DNAH14: variants seen among roughly 807,000 people sequenced by gnomAD.
The protein encoded by DNAH14 is dynein axonemal heavy chain 14.
In DNAH14, 478 loss-of-function variants were observed where a neutral mutation model predicts 520.9. That is an observed-to-expected ratio of 0.92 (90% CI 0.85 to 0.99). The LOEUF (loss-of-function observed/expected upper bound fraction) is 0.99. Ranked by LOEUF, DNAH14 falls within the 50% of genes least tolerant of loss-of-function variation. DNAH14 has a pLI of 0.00. For synonymous variants in DNAH14, 1,581 were observed against 1,757.2 expected, an observed-to-expected ratio of 0.90 and a Z score of 2.51; for missense variants, 4,831 against 5,234.5, an observed-to-expected ratio of 0.92 and a Z score of 2.38.
At chr1:225,246,590 A>G (rs2092295545) in intron 43 of DNAH14, among the ~76,000 whole-genome samples, 1 of 152,218 alleles carries the variant, frequency 6.6e-6, no homozygotes, top group Non-Finnish European at 1.5e-5. Context: ...ACACTTCTCA[A>G]AAGAAGACAT....
intron 21 of DNAH14, among the ~76,000 whole-genome samples, chr1:225,089,131 C>A (rs932930243): frequency 6.6e-6 from 1 of 151,976 alleles, no homozygotes; most frequent in Non-Finnish European, 1.5e-5. Context: ...ACCCTGATAC[C>A]AAAGCAAGAC....
chr1:225,048,415 C>T (rs555385182), intron 15 of DNAH14, among the ~76,000 whole-genome samples: 48 of 152,228 alleles, frequency 3.2e-4, no homozygotes, highest in Admixed American at 6.5e-4. Context: ...GGCAGGAGGA[C>T]GGCCTGAGCC....
chr1:224,931,278 CAA>C (rs2058681749), intron 1 of DNAH14, among the ~76,000 whole-genome samples: 1 of 151,926 alleles, frequency 6.6e-6, no homozygotes, highest in Non-Finnish European at 1.5e-5. Context: ...AGTGTTATTA[CAA>C]AAGAGTAAGA....
intron 27 of DNAH14, among the ~76,000 whole-genome samples, chr1:225,129,571 G>T (rs970199645): frequency 1.8e-4 from 28 of 152,138 alleles, no homozygotes; most frequent in African/African-American, 3.4e-4. Flanking sequence ...ATGTGGAAAG[G>T]ATTCCCTATT....
intron 35 of DNAH14, among the ~76,000 whole-genome samples, chr1:225,162,835 A>G (rs116055241): frequency 0.13 from 20,323 of 152,016 alleles, 1,657 homozygotes; most frequent in South Asian, 0.23. Context: ...CTCTGTTGGC[A>G]TATAGAAATG....
At chr1:225,329,364 G>T (rs997414013) in intron 64 of DNAH14, among the ~76,000 whole-genome samples, 2 of 152,156 alleles carry the variant, frequency 1.3e-5, no homozygotes, top group Non-Finnish European at 2.9e-5. Flanking sequence ...TTTGGATAAA[G>T]AGTAATATAA....
intron 30 of DNAH14, 57 bp downstream of exon 30, chr1:225,145,436 A>G (rs2149051338): frequency 7.7e-7 from 1 of 1,299,118 alleles, no homozygotes; most frequent in Non-Finnish European, 1.0e-6. Flanking sequence ...ACATAAAACA[A>G]TTCATTGAAG....
intron 46 of DNAH14, among the ~76,000 whole-genome samples, chr1:225,260,913 A>C (rs987285492): frequency 5.3e-5 from 8 of 152,182 alleles, no homozygotes; most frequent in Non-Finnish European, 8.8e-5. Context: ...ACAGTATTGT[A>C]AATGGAATTG....
intron 49 of DNAH14, 119 bp downstream of exon 49, chr1:225,266,888 T>A (rs1216236514): frequency 1.1e-6 from 1 of 941,912 alleles, no homozygotes; most frequent in Non-Finnish European, 1.5e-6. Flanking sequence ...CATATGGACA[T>A]GTTAAGCAAA....
chr1:225,137,664 T>C (rs1311241998), intron 27 of DNAH14, among the ~76,000 whole-genome samples: 2 of 152,150 alleles, frequency 1.3e-5, no homozygotes, highest in African/African-American at 2.4e-5. Context: ...TCTGTTTGTC[T>C]TTCTTTTAAC....
chr1:225,322,834 G>A lies in DNAH14; in HGVS notation c.9495+11G>A, dbSNP rs1468336338. 3.2e-6 allele frequency: 5 copies of A among 1,542,946 alleles called. No homozygotes were observed. The Admixed American group carries it at 7.9e-5, about 24-fold the overall frequency. ...AGCATACCTGATAAGGTAAAAAGTT[G>A]ATCTCTAATTGATGCATCTCATATT... On this transcript the variant is annotated intron_variant, in intron 62 of 85. Coordinates refer to ENST00000682510, the MANE Select transcript of DNAH14 (RefSeq NM_001367479.1).
intron 12 of DNAH14, 29 bp from the exon 13 acceptor site, chr1:225,042,806 T>TG: frequency 6.5e-7 from 1 of 1,528,670 alleles, no homozygotes. Context: ...ATGTTGTCAC[T>TG]GGCACCCTCA....
rs191350488 is a variant in DNAH14 at position 225,207,859 on chromosome 1, C to T, written c.6439+639C>T. On this transcript the variant is annotated intron_variant, in intron 41 of 85. Coordinates refer to ENST00000682510, the MANE Select transcript of DNAH14 (RefSeq NM_001367479.1). ...AGAGGAAGCAGCAACACTGAACAAC[C>T]CTGGACGCCATGAATAGGAGATAAA... 6.6e-5 allele frequency among the ~76,000 whole-genome samples: 10 copies of T among 152,154 alleles called. No individual in the cohort carries two copies. The East Asian group carries it at 1.7e-3, about 26-fold the overall frequency.
chr1:225,146,139 AC>A (rs2079918247), intron 30 of DNAH14, among the ~76,000 whole-genome samples: 1 of 152,226 alleles, frequency 6.6e-6, no homozygotes, highest in African/African-American at 2.4e-5. Flanking sequence ...TGAGGGCTCC[AC>A]ATGAGTGAGG....
intron 10 of DNAH14, among the ~76,000 whole-genome samples, chr1:225,017,938 G>C (rs1459963561): frequency 2.0e-5 from 3 of 152,178 alleles, no homozygotes; most frequent in Non-Finnish European, 4.4e-5. Flanking sequence ...AACTTCAAAG[G>C]ATAAAGGAAC....
chr1:225,209,377 G>A (rs1415560510), intron 41 of DNAH14, among the ~76,000 whole-genome samples: 1 of 152,028 alleles, frequency 6.6e-6, no homozygotes, highest in Non-Finnish European at 1.5e-5. Flanking sequence ...TACCTTTCCT[G>A]GCAATAGATT....
chr1:225,380,563 A>T (rs776491481), intron 80 of DNAH14, among the ~76,000 whole-genome samples: 1 of 152,204 alleles, frequency 6.6e-6, no homozygotes, highest in Non-Finnish European at 1.5e-5. Context: ...AAGAAATAAC[A>T]AGTGTAGCAA....
chr1:225,388,300 A>T (rs1332254649), intron 81 of DNAH14, 79 bp from the exon 82 acceptor site: 3 of 765,030 alleles, frequency 3.9e-6, no homozygotes, highest in Non-Finnish European at 6.4e-6. Context: ...TGAGTCTATT[A>T]CCAAGGTTTG....
chr1:225,291,933 G>A (rs545626226), intron 55 of DNAH14, among the ~76,000 whole-genome samples: 15 of 151,634 alleles, frequency 9.9e-5, no homozygotes, highest in Non-Finnish European at 1.5e-4. Flanking sequence ...TTTGTTTTTC[G>A]TTCTTTATTT....
Sources: allele counts gnomAD v4.1 joint callset (sites outside exome capture counted in the v4.1 genomes callset), GRCh38; gene constraint gnomAD v4.1.1; transcripts MANE v1.5; gene names NCBI Gene and HGNC (gene_info 2026-07-23, HGNC 2026-07-21).